PKMYT1: variants seen among roughly 807,000 people sequenced by gnomAD.
The protein encoded by PKMYT1 is protein kinase, membrane associated tyrosine/threonine 1, also known as membrane-associated tyrosine- and threonine-specific cdc2-inhibitory kinase.
A neutral mutation model predicts 49.7 loss-of-function variants in PKMYT1; 35 were observed. The ratio of observed to expected loss-of-function variants is 0.70; its 90% CI spans 0.54 to 0.93. PKMYT1 has a LOEUF of 0.93. PKMYT1 is among the 40% of genes least tolerant of loss of function. PKMYT1 has a pLI of 0.00. For missense variants in PKMYT1, 677 were observed against 673.1 expected, an observed-to-expected ratio of 1.01 and a Z score of -0.06; for synonymous variants, 331 against 287.6, an observed-to-expected ratio of 1.15 and a Z score of -1.53.
Position 2,975,434 on chromosome 16 carries a change from C to T in PKMYT1, c.757G>A (p.Gly253Arg), listed in dbSNP as rs762783250. The change falls in exon 4 of 9, where the codon GGA becomes AGA. Residue 253 changes from glycine to arginine, a missense_variant. By Grantham distance (125) the Gly-to-Arg change is moderately radical (BLOSUM62 -2). Transcript: ENST00000262300. ...PRGRCKLGDF[G>R]LLVELGTAGA... ...GCTGTACCCAGCTCCACCAGCAGTC[C>T]GAAGTCACCCAGCTTGCAGCGGCCC... is the stretch of plus-strand genomic sequence containing the variant. The T allele has an allele frequency of 5.0e-6, 8 of 1,613,262 alleles. No individual in the cohort carries two copies. The highest frequency in any genetic ancestry group is 2.2e-5 in the East Asian group (1 of 44,886).
At chr16:2,978,908 G>C (rs932530841) in intron 2 of PKMYT1, among the ~76,000 whole-genome samples, 2 of 150,748 alleles carry the variant, frequency 1.3e-5, no homozygotes, top group African/African-American at 4.9e-5. Context: ...CCAGGTTCAA[G>C]TAATTCTCTT....
chr16:2,976,955 T>C lies in PKMYT1; in HGVS notation c.87A>G (p.Pro29=), dbSNP rs4149786. Residue 29 remains proline, a synonymous_variant, in exon 3 of 9, where the codon CCA becomes CCG. Coordinates refer to ENST00000262300, the MANE Select transcript of PKMYT1 (RefSeq NM_004203.5). The part of the protein sequence containing the change: ...PPLSGTPIPV[P]AYFRHAEPGF... ...CAGGTTCTGCGTGGCGGAAGTAGGCTGGGACTGGGATGGGGGTGCCACTCA... is the reference window on the plus strand; with the variant it reads ...CAGGTTCTGCGTGGCGGAAGTAGGCCGGGACTGGGATGGGGGTGCCACTCA... The C allele has an allele frequency of 6.1e-4, 952 of 1,554,190 alleles. 9 individuals are homozygous for C. The South Asian group carries it at 7.5e-3, about 12-fold the overall frequency.
intron 7 of PKMYT1, chr16:2,973,522 G>A (rs2072076252): frequency 8.1e-6 from 10 of 1,228,258 alleles, no homozygotes; most frequent in East Asian, 3.2e-5. Flanking sequence ...CAAGTGCCCC[G>A]AGGGATGAGG....
chr16:2,975,821 G>A lies in PKMYT1; in HGVS notation c.379-9C>T. The A allele has an allele frequency of 6.3e-7, 1 of 1,581,420 alleles. No individual in the cohort carries two copies. Among genetic ancestry groups the A allele is most frequent in the Non-Finnish European group, 8.6e-7 (1 of 1,168,922 alleles). ...TCCTCCTTGGAGCGCACCTGGAAGG[G>A]AGGTGGTACCCACGCACACAGTGAG... On this transcript the variant is annotated splice_polypyrimidine_tract_variant and intron_variant, in intron 3 of 8. Coordinates refer to ENST00000262300, the MANE Select transcript of PKMYT1 (RefSeq NM_004203.5).
At chr16:2,975,980 A>C in intron 3 of PKMYT1, 168 bp from the exon 4 acceptor site, 27 of 702,824 alleles carry the variant, frequency 3.8e-5, no homozygotes, top group Non-Finnish European at 5.3e-5. Flanking sequence ...AACCAGACAA[A>C]CCTCCATCCC....
chr16:2,979,500 G>C, intron 2 of PKMYT1, 148 bp downstream of exon 2: 1 of 686,166 alleles, frequency 1.5e-6, no homozygotes. Context: ...TCCCAGCCCA[G>C]GGTTTCTCCA....
At chr16:2,974,685 G>A (rs763756091) in intron 4 of PKMYT1, 29 bp from the exon 5 acceptor site, 2 of 1,468,144 alleles carry the variant, frequency 1.4e-6, no homozygotes, top group Non-Finnish European at 1.9e-6. Context: ...GGACAGAAAG[G>A]GGCAGGGTTG....
rs1490052633 is a variant in PKMYT1, at chr16:2,976,954, C to G, written c.88G>C (p.Ala30Pro). The change falls in exon 3 of 9, where the codon GCC (alanine) becomes CCC (proline). Residue 30 changes from alanine (A) to proline (P), a missense_variant. Transcript: ENST00000262300. ...CCAGGTTCTGCGTGGCGGAAGTAGG[C>G]TGGGACTGGGATGGGGGTGCCACTC... ...PLSGTPIPVP[A>P]YFRHAEPGFS... 6.4e-7 allele frequency: 1 copy of G among 1,553,230 alleles called. No individual in the cohort carries two copies. The highest frequency in any genetic ancestry group is 8.7e-7 in the Non-Finnish European group (1 of 1,147,410).
At position 2,976,655 on chromosome 16, in the gene PKMYT1, C is replaced by T; in HGVS notation, c.378+9G>A. The T allele has an allele frequency of 6.9e-7, 1 of 1,444,454 alleles. No individual in the cohort carries two copies. The highest frequency in any genetic ancestry group is 2.4e-5 in the East Asian group (1 of 41,184). 89.5% of individuals were successfully genotyped at this position (1,444,454 alleles called of 1,614,324 possible). On this transcript the variant is annotated intron_variant, in intron 3 of 8. Coordinates refer to ENST00000262300, the MANE Select transcript of PKMYT1 (RefSeq NM_004203.5). ...CCCAGATGGGCCTAGAAGCCGTCCC[C>T]TCACTCACCTTGAAGACCTCTCCGT...
At chr16:2,977,414 C>T (rs1186570330) in intron 2 of PKMYT1, 5 of 1,012,272 alleles carry the variant, frequency 4.9e-6, no homozygotes, top group Non-Finnish European at 5.9e-6. Flanking sequence ...CACGGGCCCA[C>T]GATCCCTTAT....
chr16:2,975,835 G>A (rs770883488), intron 3 of PKMYT1, 23 bp from the exon 4 acceptor site: 14 of 1,569,640 alleles, frequency 8.9e-6, no homozygotes, highest in East Asian at 2.2e-5. Flanking sequence ...TGGTACCCAC[G>A]CACACAGTGA....
chr16:2,976,824 C>A lies in PKMYT1; in HGVS notation c.218G>T (p.Gly73Val). The change falls in exon 3 of 9, where the codon GGC becomes GTC. Residue 73 changes from glycine (G) to valine (V), a missense_variant. Physicochemically the swap from Gly to Val is moderately radical, Grantham distance 109 (BLOSUM62 -3). Transcript: ENST00000262300. ...CCGCCGGGGCTGCAGCTGGTGCCAG[C>A]CTGGGGTCCGAGGAGGGAAGAGGCG... is the stretch of plus-strand genomic sequence containing the variant. ...ISRLFPPRTP[G>V]WHQLQPRRVS... 6.4e-7 allele frequency: 1 copy of A among 1,567,770 alleles called. No homozygotes were observed. The highest frequency in any genetic ancestry group is 1.2e-5 in the South Asian group (1 of 85,828).
chr16:2,979,777 G>T lies in PKMYT1; in HGVS notation c.-120C>A. ...CGGGGGTGACCTCCGCAGCTTCCGG[G>T]GCCCTGGGCGATCGGGCCGTCTCGC... On this transcript the variant is annotated 5_prime_UTR_variant, in exon 2 of 9. Coordinates refer to ENST00000262300, the MANE Select transcript of PKMYT1 (RefSeq NM_004203.5). 1.6e-6 allele frequency: 2 copies of T among 1,236,470 alleles called. No individual in the cohort carries two copies. The highest frequency in any genetic ancestry group is 1.2e-6 in the Non-Finnish European group (1 of 859,322). 76.6% of individuals were successfully genotyped at this position (1,236,470 alleles called of 1,614,324 possible).
In PKMYT1 at chr16:2,974,660, G is replaced by A. The variant is rs919307433; in HGVS notation, c.873-4C>T. The A allele has an allele frequency of 3.2e-6, 5 of 1,548,110 alleles. No individual in the cohort carries two copies. The highest frequency in any genetic ancestry group is 4.4e-6 in the Non-Finnish European group (5 of 1,142,598). ...TTCCAGGATGGTGAGGCCCAGACTG[G>A]CAGGGACGGGATGGGGACAGAAAGG... is the stretch of plus-strand genomic sequence containing the variant. On this transcript the variant is annotated splice_region_variant and splice_polypyrimidine_tract_variant and intron_variant, in intron 4 of 8. Coordinates refer to ENST00000262300, the MANE Select transcript of PKMYT1 (RefSeq NM_004203.5).
At chr16:2,973,832 T>G in intron 7 of PKMYT1, 168 bp downstream of exon 7, 1 of 754,604 alleles carries the variant, frequency 1.3e-6, no homozygotes, top group Non-Finnish European at 2.2e-6. Context: ...CATGCCCAGC[T>G]GCATTAAGCC....
chr16:2,979,475 C>CT (rs892930281), intron 2 of PKMYT1, 173 bp downstream of exon 2: 4 of 630,324 alleles, frequency 6.3e-6, no homozygotes, highest in Admixed American at 2.4e-5. Flanking sequence ...TCCTCTGACT[C>CT]TAACTACCTC....
At position 2,979,823 on chromosome 16, in the gene PKMYT1, G is replaced by A. The variant is rs542856724; in HGVS notation, c.-166C>T. Reference sequence around the variant, plus strand: ...CTCGCCTCACCCTCTCACCAGGCCCGACACATCTGCTGGCCACCTTTCCCG... The same window carrying A: ...CTCGCCTCACCCTCTCACCAGGCCCAACACATCTGCTGGCCACCTTTCCCG... On this transcript the variant is annotated 5_prime_UTR_variant, in exon 2 of 9. Transcript: ENST00000262300. 6.2e-4 allele frequency: 441 copies of A among 714,828 alleles called. 2 individuals carry two copies. In the African/African-American group the frequency reaches 7.1e-3, roughly 11 times the overall value. The allele number at this position is 714,828 out of a possible 1,614,324, so 44.3% of individuals were successfully genotyped here. A position where few individuals can be genotyped will look rare whatever the true frequency, so the allele number is the denominator to read the frequency against.
At position 2,975,789 on chromosome 16, in the gene PKMYT1, C is replaced by T. The variant is rs1217811484; in HGVS notation, c.402G>A (p.Arg134=). ...ACATGGAACGCTTTACCGCATAGAG[C>T]CGGCCGTCCTCCTTGGAGCGCACCT... ...VFKVRSKEDG[R]LYAVKRSMSP... The change falls in exon 4 of 9, where the codon CGG becomes CGA. Residue 134 remains arginine, a synonymous_variant. Coordinates refer to ENST00000262300, the MANE Select transcript of PKMYT1 (RefSeq NM_004203.5). 3 of 1,596,428 alleles carry T rather than the reference C, an allele frequency of 1.9e-6. No individual in the cohort carries two copies. Among genetic ancestry groups the T allele is most frequent in the Non-Finnish European group, 2.5e-6 (3 of 1,177,814 alleles).
intron 2 of PKMYT1, chr16:2,977,248 G>C: frequency 7.2e-7 from 1 of 1,391,814 alleles, no homozygotes; most frequent in Non-Finnish European, 9.3e-7. Flanking sequence ...AGAGATGATA[G>C]AAACATAAGA....
Sources: allele counts gnomAD v4.1 joint callset (sites outside exome capture counted in the v4.1 genomes callset), GRCh38; gene constraint gnomAD v4.1.1; transcripts MANE v1.5; gene names NCBI Gene and HGNC (gene_info 2026-07-23, HGNC 2026-07-21).